Variants in NOVA1 observed in about 807,000 individuals in gnomAD.
NOVA1 encodes NOVA alternative splicing regulator 1.
A neutral mutation model predicts 38.0 loss-of-function variants in NOVA1; 7 were observed. That is an observed-to-expected ratio of 0.18 (90% CI 0.10 to 0.35). NOVA1 has a LOEUF of 0.35. NOVA1 is among the 10% of genes least tolerant of loss of function. The pLI is 1.00. For missense variants in NOVA1, 460 were observed against 616.0 expected, an observed-to-expected ratio of 0.75 and a Z score of 2.68; for synonymous variants, 270 against 232.5, an observed-to-expected ratio of 1.16 and a Z score of -1.47.
intron 2 of NOVA1, among the ~76,000 whole-genome samples, chr14:26,527,378 C>T (rs115226731): frequency 0.01 from 1,564 of 152,122 alleles, 27 homozygotes; most frequent in African/African-American, 0.036. Flanking sequence ...GGATGAGCAT[C>T]ACCAGAATCA....
intron 2 of NOVA1, chr14:26,549,213 G>T (rs1473973036): frequency 6.6e-6 from 1 of 151,380 alleles, no homozygotes; most frequent in Non-Finnish European, 1.5e-5. Flanking sequence ...CTAATCCTAA[G>T]AATCAAAACT....
intron 4 of NOVA1, among the ~76,000 whole-genome samples, chr14:26,468,029 T>C (rs1428849730): frequency 2.0e-5 from 3 of 152,136 alleles, no homozygotes; most frequent in Non-Finnish European, 2.9e-5. Flanking sequence ...TACAAGAATA[T>C]GGCAAAAGTG....
chr14:26,449,342 T>C (rs1000918233), intron 4 of NOVA1, among the ~76,000 whole-genome samples: 1 of 152,120 alleles, frequency 6.6e-6, no homozygotes, highest in African/African-American at 2.4e-5. Context: ...CTATTGTAAC[T>C]TTAAGAAAAT....
At chr14:26,449,097 T>G (rs1882395859) in intron 4 of NOVA1, 134 bp from the exon 5 acceptor site, 1 of 816,910 alleles carries the variant, frequency 1.2e-6, no homozygotes, top group South Asian at 2.8e-5. Flanking sequence ...TATCACAACT[T>G]TAAAGTGACT....
intron 2 of NOVA1, among the ~76,000 whole-genome samples, chr14:26,573,204 T>C (rs1892599888): frequency 1.3e-5 from 2 of 152,246 alleles, no homozygotes; most frequent in East Asian, 1.9e-4. Flanking sequence ...TAGTTACTAA[T>C]ATTGAATGCT....
chr14:26,542,609 T>C (rs1458454974), intron 2 of NOVA1, among the ~76,000 whole-genome samples: 1 of 151,586 alleles, frequency 6.6e-6, no homozygotes, highest in East Asian at 1.9e-4. Flanking sequence ...TATAGGAATA[T>C]TATTCTTTTA....
At position 26,444,256 on chromosome 14, in the gene NOVA1, AT is replaced by A. The variant is rs1881902331; in HGVS notation, c.*3702del. 6.6e-6 allele frequency: 1 copy of A among 152,168 alleles called. No individual in the cohort carries two copies. Among genetic ancestry groups the A allele is most frequent in the Non-Finnish European group, 1.5e-5 (1 of 68,016 alleles). 9.4% of individuals were successfully genotyped at this position (152,168 alleles called of 1,614,324 possible). ...CTGTTTATTTTTTTCCAATAAAAAA[AT>A]AAATCTCATACATTAGAAGTGGTAC... On this transcript the variant is annotated 3_prime_UTR_variant, in exon 5 of 5. Coordinates refer to ENST00000539517, the MANE Select transcript of NOVA1 (RefSeq NM_002515.3).
rs560312422 is a variant in NOVA1 at position 26,585,883 on chromosome 14, A to T, written c.280+9527T>A. On this transcript the variant is annotated intron_variant, in intron 2 of 4. Transcript: ENST00000539517. Reference sequence around the variant, plus strand: ...CATTTCTTGTTCATTTAAATTTCTAAATTCATTATTAAAGTAAACTAGAAG... The same window carrying T: ...CATTTCTTGTTCATTTAAATTTCTATATTCATTATTAAAGTAAACTAGAAG... 2.0e-5 allele frequency among the ~76,000 whole-genome samples: 3 copies of T among 151,464 alleles called. No homozygotes were observed. In the South Asian group the frequency reaches 6.2e-4, roughly 31 times the overall value.
chr14:26,548,204 C>T (rs566616364), intron 2 of NOVA1, among the ~76,000 whole-genome samples: 1 of 151,976 alleles, frequency 6.6e-6, no homozygotes, highest in East Asian at 1.9e-4. Flanking sequence ...CACTTAAGCC[C>T]AAATATCTTG....
chr14:26,501,643 A>G (rs1887249402), intron 2 of NOVA1, among the ~76,000 whole-genome samples: 1 of 151,930 alleles, frequency 6.6e-6, no homozygotes, highest in Non-Finnish European at 1.5e-5. Context: ...AAAAAAACAC[A>G]GGCATTATTG....
At chr14:26,584,521 T>C (rs925448546) in intron 2 of NOVA1, among the ~76,000 whole-genome samples, 6 of 151,416 alleles carry the variant, frequency 4.0e-5, no homozygotes, top group African/African-American at 1.5e-4. Context: ...CAGTCTTTTC[T>C]TCTTTTTCAT....
intron 4 of NOVA1, among the ~76,000 whole-genome samples, chr14:26,465,696 TA>T (rs141192355): frequency 9.3e-5 from 14 of 150,676 alleles, no homozygotes; most frequent in African/African-American, 1.5e-4. Flanking sequence ...TCAAATATTG[TA>T]AAAAAAAAGA....
intron 1 of NOVA1, chr14:26,597,047 G>A: frequency 8.2e-7 from 1 of 1,223,528 alleles, no homozygotes; most frequent in Non-Finnish European, 1.0e-6. Flanking sequence ...GGAAAGATAG[G>A]TCTATTCCGA....
chr14:26,569,249 C>T (rs906306181), intron 2 of NOVA1, among the ~76,000 whole-genome samples: 3 of 151,914 alleles, frequency 2.0e-5, no homozygotes, highest in Non-Finnish European at 2.9e-5. Flanking sequence ...AAAAAAAATC[C>T]GAGAAAGGGT....
At chr14:26,472,271 G>T in intron 4 of NOVA1, 49 bp downstream of exon 4, 3 of 1,128,458 alleles carry the variant, frequency 2.7e-6, no homozygotes, top group African/African-American at 1.5e-5. Flanking sequence ...CCAGTTTGCA[G>T]GCAATCACCC....
intron 4 of NOVA1, among the ~76,000 whole-genome samples, chr14:26,456,003 G>A (rs1368794167): frequency 6.6e-6 from 1 of 151,870 alleles, no homozygotes; most frequent in Non-Finnish European, 1.5e-5. Context: ...CATGTGTCAA[G>A]TTAACAAAAA....
In NOVA1 at chr14:26,448,497, A is replaced by G; in HGVS notation, c.986T>C (p.Leu329Pro). The change falls in exon 5 of 5, where the codon CTC (leucine) becomes CCC (proline). Residue 329 changes from leucine to proline, a missense_variant. By Grantham distance (98) the Leu-to-Pro change is moderately conservative. Coordinates refer to ENST00000539517, the MANE Select transcript of NOVA1 (RefSeq NM_002515.3). This position sits in a 1 kb window ranked among gnomAD's most constrained non-coding sequence, Gnocchi z 5.3. ...LNTLASYGYN[L>P]NTLGLGLSQA... ...ACTGAGACCTAAACCTAAAGTGTTG[A>G]GATTATATCCATAGCTGGCTAATGT... The G allele has an allele frequency of 6.2e-7, 1 of 1,614,106 alleles. No homozygotes were observed. Among genetic ancestry groups the G allele is most frequent in the Non-Finnish European group, 8.5e-7 (1 of 1,180,020 alleles).
chr14:26,458,670 G>C (rs957070525), intron 4 of NOVA1, among the ~76,000 whole-genome samples: 1 of 152,038 alleles, frequency 6.6e-6, no homozygotes, highest in African/African-American at 2.4e-5. Flanking sequence ...TCCCAGAAGG[G>C]AGAGGTTGGG....
chr14:26,564,825 T>A (rs1357249160), intron 2 of NOVA1, among the ~76,000 whole-genome samples: 1 of 152,186 alleles, frequency 6.6e-6, no homozygotes, highest in Non-Finnish European at 1.5e-5. Flanking sequence ...AACTGGTAAG[T>A]CTCATTTAGT....
Sources: allele counts gnomAD v4.1 joint callset (sites outside exome capture counted in the v4.1 genomes callset), GRCh38; gene constraint gnomAD v4.1.1; non-coding constraint Gnocchi (gnomAD v3.1); transcripts MANE v1.5; gene names NCBI Gene and HGNC (gene_info 2026-07-23, HGNC 2026-07-21).